Variants in ABCC9 observed in about 807,000 individuals in gnomAD.
ABCC9 encodes ATP binding cassette subfamily C member 9.
ABCC9 carries 95 observed loss-of-function variants against 188.3 expected under a neutral mutation model. The ratio of observed to expected loss-of-function variants is 0.50; its 90% CI spans 0.43 to 0.60. The LOEUF (loss-of-function observed/expected upper bound fraction) is 0.60, where lower values mean the gene tolerates loss of function less well. Among genes scored for constraint, ABCC9 ranks in the 20% least tolerant of loss-of-function variants. The pLI is 0.00. For synonymous variants in ABCC9, 659 were observed against 652.7 expected (o/e 1.01, Z -0.15); for missense variants, 1,102 against 1,876.3 (o/e 0.59, Z 7.62).
At chr12:21,825,346 A>G (rs1353738451) in intron 31 of ABCC9, among the ~76,000 whole-genome samples, 1 of 152,236 alleles carries the variant, frequency 6.6e-6, no homozygotes, top group East Asian at 1.9e-4. Flanking sequence ...ATGCACATAT[A>G]TGTTTATTGC....
At chr12:21,880,797 A>G (rs1946582299) in intron 16 of ABCC9, among the ~76,000 whole-genome samples, 1 of 152,132 alleles carries the variant, frequency 6.6e-6, no homozygotes, top group African/African-American at 2.4e-5. Context: ...ATCACTTTGG[A>G]AAGCAGTTTG....
At chr12:21,915,383 G>C (rs12822056) in intron 7 of ABCC9, among the ~76,000 whole-genome samples, 7 of 135,130 alleles carry the variant, frequency 5.2e-5, no homozygotes, top group Admixed American at 3.0e-4. Context: ...TGTATATATA[G>C]ACATGTGTAT....
chr12:21,845,155 G>C (rs1255353766), intron 26 of ABCC9, among the ~76,000 whole-genome samples: 1 of 152,130 alleles, frequency 6.6e-6, no homozygotes, highest in East Asian at 1.9e-4. Context: ...CAGATGAAGA[G>C]AAAGAGTTTG....
In ABCC9 at chr12:21,867,149, T is replaced by G. The variant is rs191538012; in HGVS notation, c.2199-2672A>C. ...AGGTAATCATCTTCCAAAAACAAAT[T>G]AACCCATTATTTCACTAACATTTTT... On this transcript the variant is annotated intron_variant, in intron 18 of 39. Transcript: ENST00000261200. Among the ~76,000 whole-genome samples the G allele has an allele frequency of 1.1e-4, 17 of 152,204 alleles. No individual in the cohort carries two copies. The East Asian group carries it at 1.9e-3, about 17-fold the overall frequency.
chr12:21,802,993 A>G (rs1156419550), intron 39 of ABCC9, among the ~76,000 whole-genome samples: 2 of 152,178 alleles, frequency 1.3e-5, no homozygotes, highest in Non-Finnish European at 2.9e-5. Flanking sequence ...AATACCCATG[A>G]CAAGCCTATC....
intron 13 of ABCC9, among the ~76,000 whole-genome samples, chr12:21,894,506 CA>C (rs1341890257): frequency 7.9e-5 from 12 of 152,120 alleles, no homozygotes; most frequent in African/African-American, 2.9e-4. Flanking sequence ...CCTTTCCAAG[CA>C]ATACTAAATA....
intron 30 of ABCC9, among the ~76,000 whole-genome samples, chr12:21,834,679 C>A (rs1478493813): frequency 6.6e-6 from 1 of 151,690 alleles, no homozygotes; most frequent in Admixed American, 6.6e-5. Context: ...TCGAATGTGT[C>A]TTTTTCCATC....
chr12:21,848,658 T>A (rs1944811476), intron 24 of ABCC9, among the ~76,000 whole-genome samples: 1 of 152,330 alleles, frequency 6.6e-6, no homozygotes, highest in South Asian at 2.1e-4. Flanking sequence ...TGGTTCCAAG[T>A]TGGTTAAACT....
intron 16 of ABCC9, among the ~76,000 whole-genome samples, chr12:21,876,259 A>T (rs1196227088): frequency 6.6e-6 from 1 of 152,202 alleles, no homozygotes; most frequent in African/African-American, 2.4e-5. Flanking sequence ...GGATTACCAG[A>T]TAGTTTACAT....
At chr12:21,885,460 T>C (rs1212158175) in intron 15 of ABCC9, among the ~76,000 whole-genome samples, 1 of 152,158 alleles carries the variant, frequency 6.6e-6, no homozygotes, top group Non-Finnish European at 1.5e-5. Context: ...TCTTCAGATT[T>C]CCCTAACTCC....
chr12:21,920,394 C>T (rs915812742), intron 5 of ABCC9, among the ~76,000 whole-genome samples: 8 of 151,902 alleles, frequency 5.3e-5, no homozygotes, highest in Non-Finnish European at 1.0e-4. Flanking sequence ...TCTAAGGCTG[C>T]AAGATACAAA....
intron 5 of ABCC9, among the ~76,000 whole-genome samples, chr12:21,919,730 C>G (rs1480016616): frequency 6.6e-6 from 1 of 151,886 alleles, no homozygotes; most frequent in East Asian, 1.9e-4. Flanking sequence ...CAAAGTCTTT[C>G]AGAAAAATAG....
chr12:21,861,263 C>T (rs1410058119), intron 20 of ABCC9, among the ~76,000 whole-genome samples: 3 of 144,988 alleles, frequency 2.1e-5, no homozygotes, highest in South Asian at 2.2e-4. Flanking sequence ...CAGAGTCTTA[C>T]TCTGTCACCC....
At chr12:21,851,830 C>CAT (rs1295133993) in intron 24 of ABCC9, among the ~76,000 whole-genome samples, 2 of 152,278 alleles carry the variant, frequency 1.3e-5, no homozygotes, top group African/African-American at 4.8e-5. Flanking sequence ...TTTAAACACA[C>CAT]ATATAATTGC....
chr12:21,913,157 A>G, intron 7 of ABCC9, 91 bp from the exon 8 acceptor site: 1 of 1,143,078 alleles, frequency 8.7e-7, no homozygotes, highest in South Asian at 1.5e-5. Flanking sequence ...ATTCCTTCTT[A>G]TACTTCAAAA....
At chr12:21,940,503 A>T (rs563706976) in intron 2 of ABCC9, among the ~76,000 whole-genome samples, 1 of 152,340 alleles carries the variant, frequency 6.6e-6, no homozygotes, top group Admixed American at 6.5e-5. Flanking sequence ...ACTATGACAG[A>T]TCCAAGTGGG....
chr12:21,926,025 G>T lies in ABCC9; in HGVS notation c.323C>A (p.Ala108Asp). 2 of 1,614,090 alleles carry T rather than the reference G, an allele frequency of 1.2e-6. No homozygotes were observed. Among genetic ancestry groups the T allele is most frequent in the Non-Finnish European group, 1.7e-6 (2 of 1,180,006 alleles). Residue 108 changes from alanine (A) to aspartate (D), a missense_variant, in exon 5 of 40, where the codon GCC (alanine) becomes GAC (aspartate). Physicochemically the swap from Ala to Asp is moderately radical, Grantham distance 126. Transcript: ENST00000261200. The stretch of plus-strand genomic sequence containing the variant: ...TGTAGTGGCAACGAATCCCATCACG[G>T]CTGGCATAAAGAGGTGGAGGTGCCT... ...ESRHLHLFMPAVMGFVATTTS... is the reference protein window; with the variant it reads ...ESRHLHLFMPDVMGFVATTTS...
intron 15 of ABCC9, 135 bp downstream of exon 15, chr12:21,887,691 A>G: frequency 1.4e-6 from 1 of 692,538 alleles, no homozygotes; most frequent in South Asian, 1.6e-5. Context: ...GTTGTAGAGA[A>G]GCAAGTCGTG....
At chr12:21,899,228 A>G (rs768751408) in intron 12 of ABCC9, among the ~76,000 whole-genome samples, 7 of 152,204 alleles carry the variant, frequency 4.6e-5, no homozygotes, top group Non-Finnish European at 7.3e-5. Context: ...AATCATCTGA[A>G]TCATCTATTT....
Sources: gnomAD v4.1 joint callset for allele counts (sites outside exome capture counted in the v4.1 genomes callset) on GRCh38, gnomAD v4.1.1 for gene constraint, MANE v1.5 for transcripts, NCBI Gene and HGNC (gene_info 2026-07-23, HGNC 2026-07-21) for gene names.